The following BBX variants were observed in gnomAD, a reference collection of about 807,000 sequenced individuals.
The protein encoded by BBX is HMG box transcription factor BBX.
In BBX, 30 loss-of-function variants were observed where a neutral mutation model predicts 100.2. That is an observed-to-expected ratio of 0.30 (90% CI 0.22 to 0.41). The LOEUF (loss-of-function observed/expected upper bound fraction) is 0.41. BBX is among the 10% of genes least tolerant of loss of function. BBX has a pLI of 1.00. For synonymous variants in BBX, 376 were observed against 388.1 expected (o/e 0.97, Z 0.37); for missense variants, 1,023 against 1,129.8 (o/e 0.91, Z 1.35).
intron 3 of BBX, among the ~76,000 whole-genome samples, chr3:107,695,494 A>G (rs2060521246): frequency 7.2e-6 from 1 of 139,816 alleles, no homozygotes; most frequent in South Asian, 2.3e-4. Context: ...GTTTCCATGT[A>G]GTTGAGCGGT....
At chr3:107,695,801 A>G (rs2060549814) in intron 3 of BBX, among the ~76,000 whole-genome samples, 1 of 151,316 alleles carries the variant, frequency 6.6e-6, no homozygotes, top group Non-Finnish European at 1.5e-5. Flanking sequence ...TGGGGTGTTA[A>G]AGTCTCCCAT....
chr3:107,706,274 G>A (rs944272530), intron 3 of BBX, among the ~76,000 whole-genome samples: 1 of 152,052 alleles, frequency 6.6e-6, no homozygotes. Context: ...ACCCGCCTTG[G>A]CCTCCCAAAA....
intron 2 of BBX, among the ~76,000 whole-genome samples, chr3:107,570,566 C>A (rs1177145755): frequency 6.6e-6 from 1 of 152,196 alleles, no homozygotes; most frequent in East Asian, 1.9e-4. Context: ...TCAGCTCCAG[C>A]CACCTCTTTA....
intron 3 of BBX, among the ~76,000 whole-genome samples, chr3:107,652,221 G>C (rs2057879820): frequency 6.6e-6 from 1 of 152,070 alleles, no homozygotes; most frequent in African/African-American, 2.4e-5. Flanking sequence ...ATTTTTGTCT[G>C]TGTGTACATA....
At chr3:107,527,367 T>C (rs2107285093) in intron 2 of BBX, among the ~76,000 whole-genome samples, 1 of 152,356 alleles carries the variant, frequency 6.6e-6, no homozygotes, top group East Asian at 1.9e-4. Context: ...GAACTTGAAC[T>C]TACTTTTCTG....
At chr3:107,647,126 G>A (rs555868581) in intron 3 of BBX, among the ~76,000 whole-genome samples, 1 of 152,258 alleles carries the variant, frequency 6.6e-6, no homozygotes, top group South Asian at 2.1e-4. Flanking sequence ...ACTTAAGAAT[G>A]TCAGCCAGAA....
chr3:107,750,154 C>G (rs529380720), intron 9 of BBX, among the ~76,000 whole-genome samples: 1 of 152,124 alleles, frequency 6.6e-6, no homozygotes, highest in Non-Finnish European at 1.5e-5. Flanking sequence ...AAGTTTTCTT[C>G]TAGAGAAGAA....
chr3:107,791,241 A>C lies in BBX; in HGVS notation c.2295A>C (p.Gly765=). Reference sequence around the variant, plus strand: ...TTCCTTTTCTGTCATTGTTTTTAGGAAGTGGGGATAAATGGTCAAACAAGC... The same window carrying C: ...TTCCTTTTCTGTCATTGTTTTTAGGCAGTGGGGATAAATGGTCAAACAAGC... ...KKEKPNVPEK[G]SGDKWSNKQL... The change falls in exon 15 of 18, where the codon GGA becomes GGC. Residue 765 remains glycine, a splice_region_variant and synonymous_variant. Transcript: ENST00000325805. The C allele has an allele frequency of 6.2e-7, 1 of 1,612,452 alleles. No individual in the cohort carries two copies. Among genetic ancestry groups the C allele is most frequent in the South Asian group, 1.1e-5 (1 of 90,864 alleles).
chr3:107,769,231 C>CAGATAGACAGAT lies in BBX; in HGVS notation c.907-3390_907-3389insCAGATAGATAGA, dbSNP rs1553814746. 3.2e-3 allele frequency among the ~76,000 whole-genome samples: 311 copies of CAGATAGACAGAT among 98,478 alleles called. 3 individuals carry two copies. The highest frequency in any genetic ancestry group is 9.2e-3 in the African/African-American group (262 of 28,446). 64.6% of individuals were successfully genotyped at this position (98,478 alleles called of 152,430 possible). A position where few individuals can be genotyped will look rare whatever the true frequency, so the allele number is the denominator to read the frequency against. On this transcript the variant is annotated intron_variant, in intron 10 of 17. Coordinates refer to ENST00000325805, the MANE Select transcript of BBX (RefSeq NM_001142568.3). Reference sequence around the variant, plus strand: ...ATAGATAGATAGATAGATAGATAGACAGATAGATAGGATAGATAGATAATC... The same window carrying CAGATAGACAGAT: ...ATAGATAGATAGATAGATAGATAGACAGATAGACAGATAGATAGATAGGATAGATAGATAATC...
chr3:107,672,408 T>A (rs765134339), intron 3 of BBX, among the ~76,000 whole-genome samples: 10 of 152,120 alleles, frequency 6.6e-5, no homozygotes, highest in Non-Finnish European at 1.2e-4. Flanking sequence ...GACTGCAGTG[T>A]TCAAGCATAA....
At chr3:107,770,885 G>T (rs987721936) in intron 10 of BBX, among the ~76,000 whole-genome samples, 3 of 152,108 alleles carry the variant, frequency 2.0e-5, no homozygotes, top group Non-Finnish European at 2.9e-5. Flanking sequence ...AGAGAAAAAT[G>T]AGGTAAAAAA....
At chr3:107,794,432 C>A (rs1272383109) in intron 15 of BBX, among the ~76,000 whole-genome samples, 1 of 151,492 alleles carries the variant, frequency 6.6e-6, no homozygotes, top group African/African-American at 2.4e-5. Context: ...TGGTATTTCA[C>A]AACGGGGAAA....
chr3:107,569,354 C>G (rs1282397), intron 2 of BBX, among the ~76,000 whole-genome samples: 16,556 of 151,882 alleles, frequency 0.11, 999 homozygotes, highest in Non-Finnish European at 0.12. Flanking sequence ...TCTTGACTGT[C>G]TTTCTTATTT....
intron 9 of BBX, among the ~76,000 whole-genome samples, chr3:107,750,949 TAC>T (rs2065031046): frequency 6.6e-6 from 1 of 152,212 alleles, no homozygotes; most frequent in African/African-American, 2.4e-5. Flanking sequence ...GAAGGCTGTT[TAC>T]ACACAGATTG....
chr3:107,574,279 A>G (rs1373293320), intron 2 of BBX, among the ~76,000 whole-genome samples: 1 of 152,200 alleles, frequency 6.6e-6, no homozygotes, highest in Non-Finnish European at 1.5e-5. Flanking sequence ...TAGGTAATCC[A>G]ATATCACACA....
chr3:107,726,658 G>T (rs1422100985), intron 5 of BBX, among the ~76,000 whole-genome samples: 1 of 151,988 alleles, frequency 6.6e-6, no homozygotes, highest in Non-Finnish European at 1.5e-5. Flanking sequence ...TAGCCCTTTT[G>T]CAGATCCATT....
chr3:107,709,130 T>C (rs1487117337), intron 3 of BBX, among the ~76,000 whole-genome samples: 2 of 151,910 alleles, frequency 1.3e-5, no homozygotes, highest in East Asian at 3.8e-4. Context: ...GGCTAGCTAT[T>C]TTTTTTTAAA....
chr3:107,549,801 C>G (rs1243567473), intron 2 of BBX, among the ~76,000 whole-genome samples: 1 of 151,196 alleles, frequency 6.6e-6, no homozygotes, highest in Admixed American at 6.6e-5. Flanking sequence ...TAATAGCAGT[C>G]AGGTGAGCTA....
At chr3:107,766,213 A>G (rs1049415508) in intron 10 of BBX, among the ~76,000 whole-genome samples, 5 of 152,208 alleles carry the variant, frequency 3.3e-5, no homozygotes, top group African/African-American at 1.2e-4. Flanking sequence ...TACACATACA[A>G]TCTCAGTAAA....
Sources: allele counts gnomAD v4.1 joint callset (sites outside exome capture counted in the v4.1 genomes callset), GRCh38; gene constraint gnomAD v4.1.1; transcripts MANE v1.5; gene names NCBI Gene and HGNC (gene_info 2026-07-23, HGNC 2026-07-21).